Variants in TSHZ2 observed in about 807,000 individuals in gnomAD.
TSHZ2 encodes teashirt zinc finger homeobox 2, also known as teashirt homolog 2.
Under a neutral mutation model 74.4 loss-of-function variants are expected in TSHZ2, and 21 were observed. The ratio of observed to expected loss-of-function variants is 0.28; its 90% CI spans 0.20 to 0.41. The LOEUF is 0.41. Among genes scored for constraint, TSHZ2 ranks in the 10% least tolerant of loss-of-function variants. TSHZ2 has a pLI of 1.00. For missense variants in TSHZ2, 1,244 were observed against 1,293.5 expected (o/e 0.96, Z 0.59); for synonymous variants, 540 against 515.3 (o/e 1.05, Z -0.65).
intron 2 of TSHZ2, among the ~76,000 whole-genome samples, chr20:53,394,449 C>A (rs1982370442): frequency 6.6e-6 from 1 of 152,158 alleles, no homozygotes; most frequent in South Asian, 2.1e-4. Context: ...TACAACTCTC[C>A]TTGCAAAAAC....
At chr20:53,071,761 C>G (rs1269224532) in intron 1 of TSHZ2, among the ~76,000 whole-genome samples, 1 of 152,140 alleles carries the variant, frequency 6.6e-6, no homozygotes, top group Non-Finnish European at 1.5e-5. Flanking sequence ...TCCCCTGCAT[C>G]CAGGGACGTC....
At chr20:53,153,656 A>G (rs533247049) in intron 1 of TSHZ2, among the ~76,000 whole-genome samples, 1 of 152,126 alleles carries the variant, frequency 6.6e-6, no homozygotes, top group African/African-American at 2.4e-5. Context: ...TTGCTCTTCA[A>G]ATTTCCTCAT....
At chr20:53,186,243 AC>A (rs997232033) in intron 1 of TSHZ2, among the ~76,000 whole-genome samples, 193 of 152,290 alleles carry the variant, frequency 1.3e-3, no homozygotes, top group African/African-American at 4.6e-3. Context: ...GAATAATTAT[AC>A]CATTACAATC....
Position 52,972,385 on chromosome 20 carries a change from T to G in TSHZ2, c.-909T>G, listed in dbSNP as rs1336663390. The G allele has an allele frequency of 6.6e-6, 1 of 151,870 alleles. No individual in the cohort carries two copies. The highest frequency in any genetic ancestry group is 1.5e-5 in the Non-Finnish European group (1 of 67,986). The allele number at this position is 151,870 out of a possible 1,614,324, so 9.4% of individuals were successfully genotyped here. A position where few individuals can be genotyped will look rare whatever the true frequency, so the allele number is the denominator to read the frequency against. On this transcript the variant is annotated 5_prime_UTR_variant, in exon 1 of 3. Coordinates refer to ENST00000371497, the MANE Select transcript of TSHZ2 (RefSeq NM_173485.6). ...TTTGTTCAGCGGGATCGATGTTTGC[T>G]GGCATCGCCTCGCCCTGTCTTGTGT...
At chr20:53,486,065 C>G (rs1045401064) in intron 2 of TSHZ2, among the ~76,000 whole-genome samples, 1 of 152,138 alleles carries the variant, frequency 6.6e-6, no homozygotes, top group Non-Finnish European at 1.5e-5. Flanking sequence ...CACCTCATCC[C>G]CAGTCCCTGG....
At chr20:53,397,170 T>G (rs1378668147) in intron 2 of TSHZ2, among the ~76,000 whole-genome samples, 1 of 152,044 alleles carries the variant, frequency 6.6e-6, no homozygotes, top group Non-Finnish European at 1.5e-5. Context: ...AAAGAAACTA[T>G]CATCAGAGTG....
chr20:53,152,641 C>A (rs1297120250), intron 1 of TSHZ2, among the ~76,000 whole-genome samples: 1 of 152,190 alleles, frequency 6.6e-6, no homozygotes, highest in Non-Finnish European at 1.5e-5. Context: ...ACAACCAAGA[C>A]AGGTCAGGTA....
intron 1 of TSHZ2, among the ~76,000 whole-genome samples, chr20:53,197,623 A>G (rs1172507013): frequency 6.6e-6 from 1 of 152,198 alleles, no homozygotes; most frequent in African/African-American, 2.4e-5. Context: ...CCTTCGATAC[A>G]TTCCCCATTA....
At chr20:53,108,393 TC>T (rs1223142356) in intron 1 of TSHZ2, among the ~76,000 whole-genome samples, 8 of 152,250 alleles carry the variant, frequency 5.3e-5, no homozygotes, top group Admixed American at 5.2e-4. Context: ...AGGCTTGTAT[TC>T]CACATTCCAC....
chr20:53,352,677 G>A (rs1980693193), intron 2 of TSHZ2, among the ~76,000 whole-genome samples: 2 of 151,850 alleles, frequency 1.3e-5, no homozygotes, highest in South Asian at 4.2e-4. Context: ...AAGAGGCTGA[G>A]GCACAGGAAT....
intron 2 of TSHZ2, among the ~76,000 whole-genome samples, chr20:53,269,468 C>A (rs1463151744): frequency 6.6e-6 from 1 of 152,202 alleles, no homozygotes; most frequent in African/African-American, 2.4e-5. Flanking sequence ...CCTTGCAAAG[C>A]CCCACTTGTT....
intron 2 of TSHZ2, among the ~76,000 whole-genome samples, chr20:53,442,249 G>T (rs1016045274): frequency 6.6e-6 from 1 of 152,164 alleles, no homozygotes; most frequent in Non-Finnish European, 1.5e-5. Context: ...CCCTGCAACC[G>T]CCACTAATCT....
At chr20:53,319,698 A>T (rs538313588) in intron 2 of TSHZ2, among the ~76,000 whole-genome samples, 1 of 152,376 alleles carries the variant, frequency 6.6e-6, no homozygotes, top group African/African-American at 2.4e-5. Flanking sequence ...TTACTGCTTC[A>T]TGCACTTAAG....
intron 1 of TSHZ2, among the ~76,000 whole-genome samples, chr20:53,244,187 A>G (rs1990144586): frequency 6.6e-6 from 1 of 152,100 alleles, no homozygotes; most frequent in African/African-American, 2.4e-5. Flanking sequence ...ATTTTGGACA[A>G]TGATTCACTG....
At chr20:53,042,946 AG>A (rs1465226520) in intron 1 of TSHZ2, among the ~76,000 whole-genome samples, 3 of 152,238 alleles carry the variant, frequency 2.0e-5, no homozygotes, top group Non-Finnish European at 4.4e-5. Flanking sequence ...ATCACTAAAA[AG>A]TCAGTTAAAT....
At chr20:53,332,359 A>T (rs1979759720) in intron 2 of TSHZ2, among the ~76,000 whole-genome samples, 1 of 152,180 alleles carries the variant, frequency 6.6e-6, no homozygotes, top group Non-Finnish European at 1.5e-5. Flanking sequence ...AGGCAACAGC[A>T]TGTTCAAAGG....
intron 2 of TSHZ2, among the ~76,000 whole-genome samples, chr20:53,350,598 T>C (rs1251086457): frequency 6.6e-6 from 1 of 152,202 alleles, no homozygotes; most frequent in African/African-American, 2.4e-5. Context: ...CCAGTGCACC[T>C]GGCTAAAGTC....
At chr20:53,068,873 G>T (rs943402794) in intron 1 of TSHZ2, among the ~76,000 whole-genome samples, 1 of 146,398 alleles carries the variant, frequency 6.8e-6, no homozygotes, top group Non-Finnish European at 1.5e-5. Flanking sequence ...ATTTTCTGTT[G>T]TTTTTTTTTT....
chr20:53,075,155 G>A (rs1241265543), intron 1 of TSHZ2, among the ~76,000 whole-genome samples: 1 of 152,178 alleles, frequency 6.6e-6, no homozygotes, highest in Admixed American at 6.5e-5. Flanking sequence ...TGACGTGCTT[G>A]GCCTAAAGGG....
Sources: allele counts gnomAD v4.1 joint callset (sites outside exome capture counted in the v4.1 genomes callset), GRCh38; gene constraint gnomAD v4.1.1; transcripts MANE v1.5; gene names NCBI Gene and HGNC (gene_info 2026-07-23, HGNC 2026-07-21).